LRPPRC: variants seen among roughly 807,000 people sequenced by gnomAD.
LRPPRC encodes the protein leucine rich pentatricopeptide repeat containing.
In LRPPRC, 120 loss-of-function variants were observed where a neutral mutation model predicts 180.3. That is an observed-to-expected ratio of 0.67 (90% CI 0.57 to 0.77). The LOEUF (loss-of-function observed/expected upper bound fraction) is 0.77, where lower values mean the gene tolerates loss of function less well. LRPPRC is among the 30% of genes least tolerant of loss of function. LRPPRC has a pLI of 0.00. For synonymous variants in LRPPRC, 723 were observed against 600.0 expected, an observed-to-expected ratio of 1.21 and a Z score of -3.00; for missense variants, 2,012 against 1,657.2, an observed-to-expected ratio of 1.21 and a Z score of -3.72.
chr2:43,987,510 A>AG (rs2103764994), intron 1 of LRPPRC, among the ~76,000 whole-genome samples: 1 of 151,664 alleles, frequency 6.6e-6, no homozygotes, highest in African/African-American at 2.4e-5. Context: ...AAAAAAAAAA[A>AG]AGGTTGGTAT....
chr2:43,917,520 T>C (rs529768118), intron 29 of LRPPRC, among the ~76,000 whole-genome samples: 3 of 152,150 alleles, frequency 2.0e-5, no homozygotes, highest in African/African-American at 4.8e-5. Flanking sequence ...CCAGGCATGG[T>C]GGCTGATGCC....
At chr2:43,931,570 C>T (rs1458521655) in intron 25 of LRPPRC, among the ~76,000 whole-genome samples, 2 of 152,160 alleles carry the variant, frequency 1.3e-5, no homozygotes, top group Admixed American at 6.5e-5. Context: ...AGTGCAGACG[C>T]ACAATTCATC....
At chr2:43,939,307 A>AAAC (rs201718164) in intron 23 of LRPPRC, among the ~76,000 whole-genome samples, 8 of 146,620 alleles carry the variant, frequency 5.5e-5, no homozygotes, top group African/African-American at 1.3e-4. Context: ...ATAAAAATAA[A>AAAC]AACAACAACA....
At chr2:43,965,296 T>G (rs1673507744) in intron 11 of LRPPRC, among the ~76,000 whole-genome samples, 1 of 152,174 alleles carries the variant, frequency 6.6e-6, no homozygotes. Flanking sequence ...CCTGACCTCG[T>G]GATCTGCCCG....
At chr2:43,919,930 G>C (rs539156351) in intron 27 of LRPPRC, among the ~76,000 whole-genome samples, 3 of 151,444 alleles carry the variant, frequency 2.0e-5, no homozygotes, top group Admixed American at 6.6e-5. Context: ...CATTTTAGAG[G>C]AAAAATACTA....
At chr2:43,953,276 G>A (rs1024613186) in intron 14 of LRPPRC, among the ~76,000 whole-genome samples, 1 of 152,176 alleles carries the variant, frequency 6.6e-6, no homozygotes, top group Non-Finnish European at 1.5e-5. Context: ...TTACACAAGT[G>A]CTCTGAATTA....
chr2:43,987,491 C>CAAAAAAA lies in LRPPRC; in HGVS notation c.150-5064_150-5058dup, dbSNP rs34151335. Among the ~76,000 whole-genome samples, 458 of 75,876 alleles carry CAAAAAAA rather than the reference C, an allele frequency of 6.0e-3. 7 individuals carry two copies. Among genetic ancestry groups the CAAAAAAA allele is most frequent in the African/African-American group, 0.024 (446 of 18,554 alleles). The allele number at this position is 75,876 out of a possible 152,430, so 49.8% of individuals were successfully genotyped here. A position where few individuals can be genotyped will look rare whatever the true frequency, so the allele number is the denominator to read the frequency against. ...GGCCGGGCGACAGAGCCAGACTCCT[C>CAAAAAAA]AAAAAAAAAAAAAAAAAAAAGGTTG... On this transcript the variant is annotated intron_variant, in intron 1 of 37. Coordinates refer to ENST00000260665, the MANE Select transcript of LRPPRC (RefSeq NM_133259.4).
At chr2:43,938,620 G>A (rs910640270) in intron 23 of LRPPRC, among the ~76,000 whole-genome samples, 1 of 152,090 alleles carries the variant, frequency 6.6e-6, no homozygotes, top group Non-Finnish European at 1.5e-5. Context: ...AAGCTCCGAT[G>A]GCAAATCTGA....
chr2:43,928,158 T>A (rs961023237), intron 25 of LRPPRC, among the ~76,000 whole-genome samples: 1 of 152,242 alleles, frequency 6.6e-6, no homozygotes, highest in Non-Finnish European at 1.5e-5. Flanking sequence ...CCTGAGCTAC[T>A]GTGCTTCAAA....
intron 30 of LRPPRC, among the ~76,000 whole-genome samples, chr2:43,910,422 A>G (rs937472949): frequency 6.6e-6 from 1 of 152,010 alleles, no homozygotes; most frequent in Admixed American, 6.6e-5. Context: ...TTTAGTAGAG[A>G]TGGGGTTTCA....
chr2:43,973,147 A>C (rs577922760), intron 11 of LRPPRC, among the ~76,000 whole-genome samples: 9 of 152,340 alleles, frequency 5.9e-5, no homozygotes, highest in Non-Finnish European at 1.2e-4. Flanking sequence ...TTTCACAATA[A>C]AAGTTTTCCT....
intron 30 of LRPPRC, among the ~76,000 whole-genome samples, chr2:43,908,730 T>C (rs1046126119): frequency 1.3e-5 from 2 of 152,168 alleles, no homozygotes; most frequent in East Asian, 3.8e-4. Context: ...TTTCACCAAG[T>C]TGGCCAGGCT....
intron 1 of LRPPRC, among the ~76,000 whole-genome samples, chr2:43,993,717 T>C (rs768468660): frequency 1.4e-5 from 2 of 145,374 alleles, no homozygotes; most frequent in African/African-American, 2.6e-5. Flanking sequence ...CCTGCTCTCA[T>C]ATAGCTTACC....
chr2:43,889,339 A>AAAG (rs56072301), intron 37 of LRPPRC, among the ~76,000 whole-genome samples: 7 of 147,130 alleles, frequency 4.8e-5, no homozygotes, highest in Non-Finnish European at 9.0e-5. Context: ...AAAAAAAAAA[A>AAAG]GGCAAAATTT....
chr2:43,990,543 C>T (rs1430490167), intron 1 of LRPPRC, among the ~76,000 whole-genome samples: 1 of 152,204 alleles, frequency 6.6e-6, no homozygotes, highest in Non-Finnish European at 1.5e-5. Flanking sequence ...TCAACTTCCA[C>T]CACATCCCAC....
rs1670272063 is a variant in LRPPRC at position 43,886,396 on chromosome 2, A to C, written c.*2204T>G. The C allele has an allele frequency of 6.6e-6, 1 of 152,210 alleles. No individual in the cohort carries two copies. The highest frequency in any genetic ancestry group is 2.1e-4 in the South Asian group (1 of 4,826). The allele number at this position is 152,210 out of a possible 1,614,324, so 9.4% of individuals were successfully genotyped here. A position where few individuals can be genotyped will look rare whatever the true frequency, so the allele number is the denominator to read the frequency against. On this transcript the variant is annotated 3_prime_UTR_variant, in exon 38 of 38. Transcript: ENST00000260665. ...GTAAATGTATTACAGAAAGCTGCTA[A>C]ATTGTTTATATTTCTACTTATTTCA...
At chr2:43,895,307 T>G (rs1670640567) in intron 35 of LRPPRC, among the ~76,000 whole-genome samples, 1 of 152,234 alleles carries the variant, frequency 6.6e-6, no homozygotes, top group African/African-American at 2.4e-5. Flanking sequence ...GGAACACTGT[T>G]AACAGGCATC....
rs1671671420 is a variant in LRPPRC at position 43,920,738 on chromosome 2, T to C, written c.2897-2340A>G. ...AATCTTTATTCTGCAGTGGAGCACT[T>C]CTGTTGACTGCCAAAAGGTCCTTGT... On this transcript the variant is annotated intron_variant, in intron 27 of 37. Coordinates refer to ENST00000260665, the MANE Select transcript of LRPPRC (RefSeq NM_133259.4). Among the ~76,000 whole-genome samples, 3 of 151,650 alleles carry C rather than the reference T, an allele frequency of 2.0e-5. No individual in the cohort carries two copies. The South Asian group carries it at 6.3e-4, about 32-fold the overall frequency.
Position 43,975,195 on chromosome 2 carries a change from T to G in LRPPRC, c.760A>C (p.Ile254Leu). Residue 254 changes from isoleucine (I) to leucine (L), a missense_variant, in exon 7 of 38, where the codon ATT (isoleucine) becomes CTT (leucine). Physicochemically the swap from Ile to Leu is conservative, Grantham distance 5. Coordinates refer to ENST00000260665, the MANE Select transcript of LRPPRC (RefSeq NM_133259.4). The part of the protein sequence containing the change: ...RAGDMENAEN[I>L]LTVMRDAGIE... ...CCGGCATCTCTCATCACTGTGAGAA[T>G]GTTTTCTGCATTCTCCATATCACTA... The G allele has an allele frequency of 6.2e-7, 1 of 1,613,424 alleles. No individual in the cohort carries two copies. The highest frequency in any genetic ancestry group is 1.1e-5 in the South Asian group (1 of 91,080).
Sources: gnomAD v4.1 joint callset for allele counts (sites outside exome capture counted in the v4.1 genomes callset) on GRCh38, gnomAD v4.1.1 for gene constraint, MANE v1.5 for transcripts, NCBI Gene and HGNC (gene_info 2026-07-23, HGNC 2026-07-21) for gene names.